Variants in LRRC4C observed in about 807,000 individuals in gnomAD.
LRRC4C encodes leucine-rich repeat-containing protein 4C.
Under a neutral mutation model 33.6 loss-of-function variants are expected in LRRC4C, and 5 were observed. That is an observed-to-expected ratio of 0.15 (90% confidence interval 0.08 to 0.31). LRRC4C has a LOEUF of 0.31. LRRC4C is among the 10% of genes least tolerant of loss of function. The pLI is 1.00. For synonymous variants in LRRC4C, 329 were observed against 302.0 expected (o/e 1.09, Z -0.93); for missense variants, 560 against 796.7 (o/e 0.70, Z 3.58).
intron 3 of LRRC4C, among the ~76,000 whole-genome samples, chr11:40,620,419 C>T (rs1025592055): frequency 6.6e-6 from 1 of 151,742 alleles, no homozygotes; most frequent in African/African-American, 2.4e-5. Flanking sequence ...ATAAATTTCT[C>T]TTCCACGGCT....
intron 3 of LRRC4C, among the ~76,000 whole-genome samples, chr11:40,468,771 A>T (rs1952779495): frequency 6.6e-6 from 1 of 152,218 alleles, no homozygotes. Flanking sequence ...ATTACAAAAA[A>T]GGAAGCTGAA....
At chr11:41,149,219 G>GAATTAAA (rs1342660986) in intron 1 of LRRC4C, among the ~76,000 whole-genome samples, 2 of 152,216 alleles carry the variant, frequency 1.3e-5, no homozygotes, top group East Asian at 3.9e-4. Flanking sequence ...AAAATGAAGG[G>GAATTAAA]CTGAGGCCGG....
intron 1 of LRRC4C, among the ~76,000 whole-genome samples, chr11:41,293,822 C>G (rs1950060637): frequency 6.6e-6 from 1 of 152,120 alleles, no homozygotes. Context: ...GTCTCGAACT[C>G]TTGACCTCAG....
At chr11:40,483,068 C>T (rs1953670765) in intron 3 of LRRC4C, among the ~76,000 whole-genome samples, 1 of 152,140 alleles carries the variant, frequency 6.6e-6, no homozygotes, top group Non-Finnish European at 1.5e-5. Flanking sequence ...TTGTACACAG[C>T]CACAACATAT....
intron 3 of LRRC4C, among the ~76,000 whole-genome samples, chr11:40,580,087 G>GTGTA (rs59559354): frequency 2.9e-4 from 41 of 143,730 alleles, no homozygotes; most frequent in African/African-American, 1.2e-3. Flanking sequence ...GTGTGTGTGT[G>GTGTA]CCTTTCAAGA....
chr11:40,851,061 A>T (rs1208870304), intron 2 of LRRC4C, among the ~76,000 whole-genome samples: 2 of 152,092 alleles, frequency 1.3e-5, no homozygotes, highest in Non-Finnish European at 2.9e-5. Context: ...TAGCTTGCTG[A>T]GCTCTGTGGC....
intron 1 of LRRC4C, among the ~76,000 whole-genome samples, chr11:41,455,070 G>T (rs1956135844): frequency 6.6e-6 from 1 of 152,040 alleles, no homozygotes; most frequent in African/African-American, 2.4e-5. Context: ...CAACTACAAA[G>T]CCTGTTCTCA....
intron 1 of LRRC4C, among the ~76,000 whole-genome samples, chr11:41,260,074 T>C (rs1268975845): frequency 6.6e-6 from 1 of 152,054 alleles, no homozygotes; most frequent in East Asian, 1.9e-4. Flanking sequence ...AGATTATTTT[T>C]TGTCATTTTT....
chr11:41,419,406 C>T (rs555342362), intron 1 of LRRC4C, among the ~76,000 whole-genome samples: 3 of 151,522 alleles, frequency 2.0e-5, no homozygotes, highest in East Asian at 1.9e-4. Context: ...TAAGAAACAT[C>T]GAGAGATTGA....
chr11:41,164,038 TTGAGA>T (rs1444313191), intron 1 of LRRC4C, among the ~76,000 whole-genome samples: 1 of 152,228 alleles, frequency 6.6e-6, no homozygotes, highest in Non-Finnish European at 1.5e-5. Context: ...ATCAAAATGA[TTGAGA>T]TATCAATCAC....
chr11:41,333,418 C>T (rs1222538266), intron 1 of LRRC4C, among the ~76,000 whole-genome samples: 1 of 152,124 alleles, frequency 6.6e-6, no homozygotes, highest in African/African-American at 2.4e-5. Context: ...GTTAGCTTTA[C>T]ATATTTGCGT....
chr11:40,625,590 A>C (rs1962853600), intron 3 of LRRC4C, among the ~76,000 whole-genome samples: 1 of 152,152 alleles, frequency 6.6e-6, no homozygotes, highest in Non-Finnish European at 1.5e-5. Flanking sequence ...ATTCAAGATG[A>C]AATTTGGGTG....
intron 2 of LRRC4C, among the ~76,000 whole-genome samples, chr11:40,912,453 A>G (rs1195701282): frequency 3.3e-5 from 5 of 152,208 alleles, no homozygotes; most frequent in Non-Finnish European, 7.3e-5. Context: ...ACTAAGCTTC[A>G]TAACTGAAGG....
intron 1 of LRRC4C, among the ~76,000 whole-genome samples, chr11:41,136,255 C>G (rs1943256257): frequency 6.6e-6 from 1 of 152,116 alleles, no homozygotes; most frequent in African/African-American, 2.4e-5. Flanking sequence ...GAAATAAAAT[C>G]TTACGCGTGT....
intron 1 of LRRC4C, among the ~76,000 whole-genome samples, chr11:41,230,496 C>A (rs1947738113): frequency 6.6e-6 from 1 of 152,028 alleles, no homozygotes; most frequent in Non-Finnish European, 1.5e-5. Flanking sequence ...AAGCAGCTAT[C>A]CTTAAGCCCT....
chr11:40,238,237 C>A (rs2136070995), intron 5 of LRRC4C, among the ~76,000 whole-genome samples: 1 of 152,252 alleles, frequency 6.6e-6, no homozygotes. Flanking sequence ...AAACAAATAC[C>A]CCACACTGTA....
At chr11:40,422,948 A>T (rs1360166112) in intron 3 of LRRC4C, among the ~76,000 whole-genome samples, 1 of 152,314 alleles carries the variant, frequency 6.6e-6, no homozygotes, top group East Asian at 1.9e-4. Flanking sequence ...AATTTAAATT[A>T]AATAAATAGT....
At chr11:40,136,782 A>G (rs1362016721) in intron 6 of LRRC4C, among the ~76,000 whole-genome samples, 3 of 152,214 alleles carry the variant, frequency 2.0e-5, no homozygotes, top group Non-Finnish European at 2.9e-5. Flanking sequence ...TGGGAGTTCC[A>G]GAACAGAGGG....
At chr11:41,159,563 C>T (rs1025261111) in intron 1 of LRRC4C, among the ~76,000 whole-genome samples, 2 of 152,062 alleles carry the variant, frequency 1.3e-5, no homozygotes, top group South Asian at 4.1e-4. Context: ...ATAATAACAA[C>T]ATTTAATATT....
Sources: gnomAD v4.1 joint callset for allele counts (sites outside exome capture counted in the v4.1 genomes callset) on GRCh38, gnomAD v4.1.1 for gene constraint, MANE v1.5 for transcripts, NCBI Gene and HGNC (gene_info 2026-07-23, HGNC 2026-07-21) for gene names.